Variants in GPHN observed in about 807,000 individuals in gnomAD.
GPHN encodes gephyrin.
Under a neutral mutation model 95.5 loss-of-function variants are expected in GPHN, and 17 were observed. The ratio of observed to expected loss-of-function variants is 0.18; its 90% CI spans 0.12 to 0.27. The LOEUF is 0.27. GPHN is among the 10% of genes least tolerant of loss of function. The pLI is 1.00. For synonymous variants in GPHN, 320 were observed against 322.5 expected (o/e 0.99, Z 0.08); for missense variants, 660 against 978.1 (o/e 0.67, Z 4.34).
At chr14:67,349,134 C>G in the GPHN span, 1 of 1,600,532 alleles carries the variant, frequency 6.2e-7, no homozygotes, top group Non-Finnish European at 8.6e-7. Flanking sequence ...CTTTATTTAG[C>G]AGACTCTTCA....
chr14:67,692,391 T>C, the GPHN span: 2 of 1,598,686 alleles, frequency 1.3e-6, no homozygotes, highest in Non-Finnish European at 1.7e-6. Flanking sequence ...GAATCTGCCA[T>C]GTTGACCTCA....
At chr14:66,841,351 C>A (rs902493222) in intron 4 of GPHN, among the ~76,000 whole-genome samples, 1 of 152,094 alleles carries the variant, frequency 6.6e-6, no homozygotes, top group African/African-American at 2.4e-5. Context: ...AGCCATGGAT[C>A]ATGTGGAACC....
At chr14:67,577,471 G>A in the GPHN span, 1 of 1,128,958 alleles carries the variant, frequency 8.9e-7, no homozygotes, top group Non-Finnish European at 1.3e-6. Flanking sequence ...CTTGGGTGGA[G>A]AAGGCCTGTG....
At chr14:67,668,627 G>GC in the GPHN span, among the ~76,000 whole-genome samples, 66,956 of 152,122 alleles carry the variant, frequency 0.44, 17,683 homozygotes, top group Non-Finnish European at 0.61. Context: ...CCTAGTCTGT[G>GC]CTAGGCACTG....
chr14:66,540,186 G>C (rs1386532888), intron 1 of GPHN, among the ~76,000 whole-genome samples: 1 of 152,158 alleles, frequency 6.6e-6, no homozygotes, highest in Non-Finnish European at 1.5e-5. Context: ...TGAGATCCAG[G>C]CTAGAGAACA....
intron 5 of GPHN, among the ~76,000 whole-genome samples, chr14:66,887,453 G>A (rs1264477151): frequency 6.6e-6 from 1 of 152,136 alleles, no homozygotes; most frequent in Non-Finnish European, 1.5e-5. Flanking sequence ...TGGGCATGGT[G>A]CCACGTGCCT....
the GPHN span, chr14:67,221,856 G>A: frequency 1.2e-6 from 2 of 1,603,406 alleles, no homozygotes; most frequent in South Asian, 2.2e-5. Context: ...CTGGTATTCA[G>A]TAGTCATCTC....
At chr14:66,898,763 CA>C (rs1362058629) in intron 5 of GPHN, among the ~76,000 whole-genome samples, 1 of 151,718 alleles carries the variant, frequency 6.6e-6, no homozygotes, top group Admixed American at 6.6e-5. Flanking sequence ...TCTATATCTA[CA>C]AAAAAATTGC....
chr14:66,554,214 T>C (rs927479547), intron 1 of GPHN, among the ~76,000 whole-genome samples: 9 of 152,140 alleles, frequency 5.9e-5, no homozygotes, highest in African/African-American at 2.2e-4. Flanking sequence ...AGGGCAGAGA[T>C]AGGGATAGAA....
intron 3 of GPHN, among the ~76,000 whole-genome samples, chr14:66,815,728 G>A (rs372391072): frequency 2.5e-4 from 38 of 152,254 alleles, no homozygotes; most frequent in African/African-American, 8.9e-4. Context: ...CCACAGATCA[G>A]TGACACTAGA....
intron 5 of GPHN, among the ~76,000 whole-genome samples, chr14:66,902,580 A>T (rs1421188699): frequency 6.6e-6 from 1 of 152,108 alleles, no homozygotes; most frequent in Admixed American, 6.6e-5. Flanking sequence ...TCATAAAAGC[A>T]TGTTGAGCTT....
the GPHN span, chr14:67,646,362 A>G: frequency 4.8e-6 from 2 of 416,034 alleles, no homozygotes; most frequent in Non-Finnish European, 8.7e-6. Context: ...AAAAGGGCTA[A>G]TCAGCAGTAT....
chr14:66,748,472 A>G (rs941684827), intron 2 of GPHN, among the ~76,000 whole-genome samples: 1 of 151,868 alleles, frequency 6.6e-6, no homozygotes, highest in East Asian at 1.9e-4. Flanking sequence ...CCCATTATCA[A>G]CATTCTTTAC....
intron 8 of GPHN, among the ~76,000 whole-genome samples, chr14:66,955,920 G>A (rs2068473187): frequency 1.3e-5 from 2 of 152,128 alleles, no homozygotes; most frequent in Non-Finnish European, 2.9e-5. Flanking sequence ...ATTCCATGGT[G>A]TATATGTGCC....
intron 3 of GPHN, among the ~76,000 whole-genome samples, chr14:66,804,523 C>T (rs12588682): frequency 1.3e-5 from 2 of 152,158 alleles, no homozygotes; most frequent in East Asian, 1.9e-4. Context: ...GAAAAACATC[C>T]ATGAGCTTGG....
At chr14:66,858,107 A>G (rs1472928250) in intron 4 of GPHN, among the ~76,000 whole-genome samples, 2 of 152,050 alleles carry the variant, frequency 1.3e-5, no homozygotes, top group African/African-American at 2.4e-5. Context: ...AAGAACTACA[A>G]TTCTTGGGCA....
At chr14:66,758,509 GC>G (rs1374056968) in intron 2 of GPHN, among the ~76,000 whole-genome samples, 1 of 152,160 alleles carries the variant, frequency 6.6e-6, no homozygotes, top group Non-Finnish European at 1.5e-5. Flanking sequence ...AGCTACAGTT[GC>G]GTGACCATTT....
the GPHN span, chr14:67,557,410 G>A: frequency 6.2e-7 from 1 of 1,613,172 alleles, no homozygotes; most frequent in Non-Finnish European, 8.5e-7. Context: ...GGCTCAGCTG[G>A]AGAAGCAGGT....
At chr14:67,314,970 T>C in the GPHN span, among the ~76,000 whole-genome samples, 27 of 152,156 alleles carry the variant, frequency 1.8e-4, no homozygotes, top group Admixed American at 1.8e-3. Flanking sequence ...TAGCTGGGCA[T>C]GGTGGTGCGT....
Sources: allele counts gnomAD v4.1 joint callset (sites outside exome capture counted in the v4.1 genomes callset), GRCh38; gene constraint gnomAD v4.1.1; transcripts MANE v1.5; gene names NCBI Gene and HGNC (gene_info 2026-07-23, HGNC 2026-07-21).